SGIP1: variants seen among roughly 807,000 people sequenced by gnomAD.
The protein encoded by SGIP1 is SH3-containing GRB2-like protein 3-interacting protein 1.
A neutral mutation model predicts 107.5 loss-of-function variants in SGIP1; 38 were observed. The observed-to-expected ratio is 0.35, with a 90% confidence interval of 0.27 to 0.46. The LOEUF (loss-of-function observed/expected upper bound fraction) is 0.46, where lower values mean the gene tolerates loss of function less well. SGIP1 is among the 20% of genes least tolerant of loss of function. The probability of loss-of-function intolerance (pLI) is 1.00; values close to 1 mark genes in which losing one functional copy is unlikely to be tolerated. For missense variants in SGIP1, 929 were observed against 1,019.5 expected (o/e 0.91, Z 1.21); for synonymous variants, 365 against 366.1 (o/e 1.00, Z 0.03).
chr1:66,588,573 T>C (rs66552897), intron 1 of SGIP1, among the ~76,000 whole-genome samples: 28,271 of 151,386 alleles, frequency 0.19, 3,131 homozygotes, highest in African/African-American at 0.31. Context: ...ATTTGACTTT[T>C]ACAGCAAAAT....
At chr1:66,717,937 G>A (rs1009198405) in intron 18 of SGIP1, among the ~76,000 whole-genome samples, 5 of 152,106 alleles carry the variant, frequency 3.3e-5, no homozygotes, top group Non-Finnish European at 5.9e-5. Flanking sequence ...TGAGGACAAC[G>A]ACCATGTGTT....
chr1:66,535,905 C>CA (rs5774822), intron 1 of SGIP1, among the ~76,000 whole-genome samples: 150,313 of 152,348 alleles, frequency 0.99, 74,155 homozygotes, highest in East Asian at 1. Flanking sequence ...CTTCATATAG[C>CA]TTTCTTAAAA....
intron 1 of SGIP1, among the ~76,000 whole-genome samples, chr1:66,621,447 C>G (rs2071078380): frequency 6.6e-6 from 1 of 152,144 alleles, no homozygotes; most frequent in Non-Finnish European, 1.5e-5. Flanking sequence ...TGGTAAAATA[C>G]ACACAAAATA....
chr1:66,741,275 TG>T lies in SGIP1; in HGVS notation c.2306del (p.Gly769ValfsTer87). On this transcript the variant is annotated frameshift_variant, in exon 24 of 25. Transcript: ENST00000371037. LOFTEE classifies it high-confidence loss of function. ...GTAATAATGTGTTTTTTTTTAGGGGTGGGTTCTTTGTTGGCAAGATTTCAGT... is the reference window on the plus strand; with the variant it reads ...GTAATAATGTGTTTTTTTTTAGGGGTGGTTCTTTGTTGGCAAGATTTCAGT... ...DISQKSENGG[V>X]GSLLARFQLS... The T allele has an allele frequency of 6.3e-7, 1 of 1,576,052 alleles. No homozygotes were observed. Among genetic ancestry groups the T allele is most frequent in the Non-Finnish European group, 8.6e-7 (1 of 1,163,000 alleles).
intron 9 of SGIP1, among the ~76,000 whole-genome samples, chr1:66,668,555 A>C (rs2083094187): frequency 6.6e-6 from 1 of 152,176 alleles, no homozygotes; most frequent in Non-Finnish European, 1.5e-5. Flanking sequence ...ATCCCCATTT[A>C]CCTGGTCAGT....
intron 15 of SGIP1, among the ~76,000 whole-genome samples, chr1:66,683,231 A>G (rs2087223364): frequency 6.6e-6 from 1 of 152,132 alleles, no homozygotes; most frequent in African/African-American, 2.4e-5. Flanking sequence ...CTGTTGCCCA[A>G]ATTTGTCTGA....
chr1:66,668,967 T>C (rs1265957100), intron 9 of SGIP1, among the ~76,000 whole-genome samples: 1 of 152,226 alleles, frequency 6.6e-6, no homozygotes, highest in Non-Finnish European at 1.5e-5. Context: ...AGTCTTTTTC[T>C]AGATATGTCA....
At chr1:66,669,417 G>A (rs7536634) in intron 9 of SGIP1, among the ~76,000 whole-genome samples, 20,340 of 152,140 alleles carry the variant, frequency 0.13, 1,420 homozygotes, top group African/African-American at 0.15. Context: ...ACAGTACTAG[G>A]TGGGCTGTGT....
At position 66,743,086 on chromosome 1, in the gene SGIP1, A is replaced by G. The variant is rs1008628741; in HGVS notation, c.2478A>G (p.Ala826=). ...TTTGTTTTGCAGGAAAATACTTGGC[A>G]GATAACTAATGAAATCTTATGCAAG... ...KKRFAAGKYL[A]DN Residue 826 remains alanine, a synonymous_variant, in exon 25 of 25, where the codon GCA becomes GCG. Transcript: ENST00000371037. 5.6e-6 allele frequency: 9 copies of G among 1,613,466 alleles called. No homozygotes were observed. The highest frequency in any genetic ancestry group is 7.6e-6 in the Non-Finnish European group (9 of 1,179,740).
At chr1:66,733,060 C>A (rs951832577) in intron 20 of SGIP1, among the ~76,000 whole-genome samples, 6 of 152,182 alleles carry the variant, frequency 3.9e-5, no homozygotes, top group African/African-American at 1.4e-4. Context: ...ATACAGGCCT[C>A]TGAGCAAAGC....
intron 1 of SGIP1, among the ~76,000 whole-genome samples, chr1:66,559,856 A>T (rs544197373): frequency 6.6e-6 from 1 of 152,106 alleles, no homozygotes; most frequent in South Asian, 2.1e-4. Flanking sequence ...GAAGATAATC[A>T]GAGTCCACTT....
At chr1:66,683,816 G>T (rs1260885971) in intron 15 of SGIP1, among the ~76,000 whole-genome samples, 2 of 141,012 alleles carry the variant, frequency 1.4e-5, no homozygotes, top group African/African-American at 5.3e-5. Flanking sequence ...CAATTCTCCT[G>T]CCTTAGCCTC....
At chr1:66,705,758 G>C (rs1430414179) in intron 18 of SGIP1, among the ~76,000 whole-genome samples, 1 of 152,044 alleles carries the variant, frequency 6.6e-6, no homozygotes, top group East Asian at 1.9e-4. Flanking sequence ...TTCAAGAAAA[G>C]AAATAAACCA....
intron 17 of SGIP1, among the ~76,000 whole-genome samples, chr1:66,692,173 A>AAAAG (rs1553158641): frequency 2.6e-5 from 4 of 151,076 alleles, no homozygotes; most frequent in East Asian, 2.0e-4. Flanking sequence ...AAAAAAAAAA[A>AAAAG]AGAGAGAGAG....
chr1:66,600,081 G>A (rs774864545), intron 1 of SGIP1, among the ~76,000 whole-genome samples: 7 of 152,090 alleles, frequency 4.6e-5, no homozygotes, highest in Non-Finnish European at 7.4e-5. Flanking sequence ...CAGCTTTCTC[G>A]GGCTCAGTGA....
At chr1:66,558,280 C>T (rs1357175056) in intron 1 of SGIP1, among the ~76,000 whole-genome samples, 1 of 151,840 alleles carries the variant, frequency 6.6e-6, no homozygotes, top group Non-Finnish European at 1.5e-5. Context: ...CTTAGAGGGG[C>T]CCTACACTTG....
intron 17 of SGIP1, among the ~76,000 whole-genome samples, chr1:66,691,903 G>C (rs2089931858): frequency 6.6e-6 from 1 of 152,184 alleles, no homozygotes; most frequent in Admixed American, 6.5e-5. Context: ...GCTCATGCCT[G>C]TAATCCCAGC....
intron 19 of SGIP1, among the ~76,000 whole-genome samples, chr1:66,726,143 G>T (rs2093744438): frequency 6.6e-6 from 1 of 152,188 alleles, no homozygotes; most frequent in Non-Finnish European, 1.5e-5. Flanking sequence ...CAACAACCTA[G>T]CACTACGTAA....
chr1:66,719,672 T>G (rs2093424726), intron 19 of SGIP1, among the ~76,000 whole-genome samples: 1 of 152,188 alleles, frequency 6.6e-6, no homozygotes, highest in African/African-American at 2.4e-5. Flanking sequence ...TAGAAATCTT[T>G]GATTCCGCTT....
Sources: allele counts gnomAD v4.1 joint callset (sites outside exome capture counted in the v4.1 genomes callset), GRCh38; gene constraint gnomAD v4.1.1; transcripts MANE v1.5; gene names NCBI Gene and HGNC (gene_info 2026-07-23, HGNC 2026-07-21).